Variants in PAK3 observed in about 807,000 individuals in gnomAD.
PAK3 encodes p21 (RAC1) activated kinase 3.
A neutral mutation model predicts 41.0 loss-of-function variants in PAK3; 4 were observed. The observed-to-expected ratio is 0.10, with a 90% CI of 0.05 to 0.22. The LOEUF (loss-of-function observed/expected upper bound fraction) is 0.22, where lower values mean the gene tolerates loss of function less well. Ranked by LOEUF, PAK3 falls within the 10% of genes least tolerant of loss-of-function variation. PAK3 has a pLI of 1.00. For missense variants in PAK3, 205 were observed against 409.9 expected (o/e 0.50, Z 4.32); for synonymous variants, 146 against 139.6 (o/e 1.05, Z -0.32).
At chrX:111,053,010 C>T (rs16986325) in intron 1 of PAK3, among the ~76,000 whole-genome samples, 5,213 of 112,034 alleles carry the variant, frequency 0.047, 291 homozygotes, top group African/African-American at 0.16. Context: ...AGACGCACAG[C>T]ACAAGTATCT....
At chrX:111,027,986 A>AAT (rs1399280835) in intron 1 of PAK3, among the ~76,000 whole-genome samples, 4 of 14,376 alleles carry the variant, frequency 2.8e-4, no homozygotes, top group East Asian at 3.4e-3. Context: ...ATATGTATAT[A>AAT]ATATATATGT....
rs1464347344 is a variant in PAK3, at chrX:111,222,975, C to T, written c.*2528C>T. 9.0e-6 allele frequency: 1 copy of T among 111,594 alleles called. No individual in the cohort carries two copies. Among genetic ancestry groups the T allele is most frequent in the Non-Finnish European group, 1.9e-5 (1 of 53,115 alleles). The allele number at this position is 111,594 out of a possible 1,213,427, so 9.2% of individuals were successfully genotyped here. On this transcript the variant is annotated 3_prime_UTR_variant, in exon 18 of 18. Transcript: ENST00000372007. ...ATTCATGTAAATTTTCAAATGAGAA[C>T]AGCTTCTAAAGCCCCTTCCCTGTAT...
chrX:111,115,316 A>G (rs1361810098), intron 4 of PAK3, among the ~76,000 whole-genome samples: 1 of 112,039 alleles, frequency 8.9e-6, no homozygotes, highest in East Asian at 2.8e-4. Context: ...CAGGCTTTTA[A>G]TTTCTAAAGA....
intron 16 of PAK3, among the ~76,000 whole-genome samples, chrX:111,197,276 A>C (rs1024012474): frequency 8.9e-6 from 1 of 112,325 alleles, no homozygotes; most frequent in Non-Finnish European, 1.9e-5. Flanking sequence ...TTATGTCTAC[A>C]TAATATTCTA....
At chrX:111,157,969 G>A (rs1212339808) in intron 8 of PAK3, among the ~76,000 whole-genome samples, 1 of 111,669 alleles carries the variant, frequency 9.0e-6, no homozygotes, top group African/African-American at 3.3e-5. Flanking sequence ...GGAATGAAGA[G>A]CATGGAAACA....
intron 1 of PAK3, among the ~76,000 whole-genome samples, chrX:110,965,961 C>T (rs1485361514): frequency 9.0e-6 from 1 of 111,712 alleles, no homozygotes; most frequent in East Asian, 2.8e-4. Context: ...CAGTTTGCTC[C>T]AGAGGCCACG....
At chrX:110,964,501 C>A (rs2091042879) in intron 1 of PAK3, among the ~76,000 whole-genome samples, 1 of 111,912 alleles carries the variant, frequency 8.9e-6, no homozygotes, top group African/African-American at 3.3e-5. Context: ...ATATGGAAAT[C>A]ATCTGGCCTA....
intron 4 of PAK3, among the ~76,000 whole-genome samples, chrX:111,118,023 C>T (rs182572801): frequency 2.6e-3 from 285 of 111,456 alleles, no homozygotes; most frequent in Admixed American, 5.9e-3. Flanking sequence ...GTAAAATGCC[C>T]GCTTTGGCAT....
chrX:111,074,359 A>C, intron 1 of PAK3, among the ~76,000 whole-genome samples: 1 of 111,000 alleles, frequency 9.0e-6, no homozygotes, highest in Non-Finnish European at 1.9e-5. Flanking sequence ...TTGCTCAGTT[A>C]GTTCATGTGA....
At chrX:111,186,051 T>A (rs1406025502) in intron 11 of PAK3, among the ~76,000 whole-genome samples, 2 of 111,250 alleles carry the variant, frequency 1.8e-5, no homozygotes, top group East Asian at 5.6e-4. Flanking sequence ...AACCTGATTA[T>A]CTCAATACAT....
At chrX:111,153,284 C>T (rs183315193) in intron 8 of PAK3, among the ~76,000 whole-genome samples, 63 of 111,836 alleles carry the variant, frequency 5.6e-4, no homozygotes, top group South Asian at 1.5e-3. Context: ...TAACAGTATA[C>T]GTTTTGTATG....
At chrX:111,106,884 G>A (rs753465061) in intron 4 of PAK3, among the ~76,000 whole-genome samples, 1 of 111,509 alleles carries the variant, frequency 9.0e-6, no homozygotes, top group Non-Finnish European at 1.9e-5. Context: ...TTTATGTCTA[G>A]GATTAAAAAA....
intron 1 of PAK3, among the ~76,000 whole-genome samples, chrX:110,978,996 C>A (rs980584513): frequency 9.0e-6 from 1 of 111,365 alleles, no homozygotes; most frequent in Non-Finnish European, 1.9e-5. Flanking sequence ...ATTCAGTTTT[C>A]TCAAAAGTTA....
intron 1 of PAK3, among the ~76,000 whole-genome samples, chrX:111,032,485 A>G (rs1052732692): frequency 1.8e-5 from 2 of 111,813 alleles, no homozygotes; most frequent in African/African-American, 6.5e-5. Flanking sequence ...ACAGCCAGAA[A>G]TTGCGATTTG....
intron 1 of PAK3, among the ~76,000 whole-genome samples, chrX:110,952,700 A>G (rs2090769660): frequency 9.0e-6 from 1 of 111,536 alleles, no homozygotes; most frequent in Admixed American, 9.6e-5. Context: ...ACTATTGACA[A>G]TTATGAGTTG....
chrX:111,111,642 T>C (rs2093373018), intron 4 of PAK3, among the ~76,000 whole-genome samples: 1 of 112,268 alleles, frequency 8.9e-6, no homozygotes, highest in East Asian at 2.8e-4. Context: ...ATCAGCACAC[T>C]AACTTCATTA....
At chrX:111,100,557 G>T (rs1480725029) in intron 3 of PAK3, among the ~76,000 whole-genome samples, 2 of 111,285 alleles carry the variant, frequency 1.8e-5, no homozygotes, top group Non-Finnish European at 3.8e-5. Context: ...TATGGATGGG[G>T]CTGGGGGTTC....
intron 8 of PAK3, among the ~76,000 whole-genome samples, chrX:111,156,261 G>T (rs942513880): frequency 1.8e-5 from 2 of 111,644 alleles, no homozygotes; most frequent in African/African-American, 3.3e-5. Flanking sequence ...AAACTGATAG[G>T]TCGTGGGTAA....
intron 1 of PAK3, among the ~76,000 whole-genome samples, chrX:110,978,536 T>C (rs1031151291): frequency 9.0e-6 from 1 of 111,661 alleles, no homozygotes; most frequent in African/African-American, 3.2e-5. Flanking sequence ...GAATAAACCG[T>C]AGTTGGTCAT....
Sources: gnomAD v4.1 joint callset for allele counts (sites outside exome capture counted in the v4.1 genomes callset) on GRCh38, gnomAD v4.1.1 for gene constraint, MANE v1.5 for transcripts, NCBI Gene and HGNC (gene_info 2026-07-23, HGNC 2026-07-21) for gene names.